The following ATPAF2 variants were observed in gnomAD, a reference collection of about 807,000 sequenced individuals.
ATPAF2 encodes the protein ATP12 homolog.
ATPAF2 carries 30 observed loss-of-function variants against 36.6 expected under a neutral mutation model. That is an observed-to-expected ratio of 0.82 (90% CI 0.61 to 1.11). ATPAF2 has a LOEUF of 1.11. ATPAF2 is among the 50% of genes most tolerant of loss of function. The pLI is 0.00. For missense variants in ATPAF2, 321 were observed against 372.3 expected (o/e 0.86, Z 1.13); for synonymous variants, 140 against 152.6 (o/e 0.92, Z 0.61).
At chr17:18,038,750 A>C in intron 1 of ATPAF2, 131 bp downstream of exon 1, 1 of 1,341,374 alleles carries the variant, frequency 7.5e-7, no homozygotes, top group Non-Finnish European at 1.0e-6. Flanking sequence ...CATCTGTAAA[A>C]AGACCTGACT....
At chr17:18,023,000 T>C (rs895748363) in intron 5 of ATPAF2, among the ~76,000 whole-genome samples, 1 of 151,656 alleles carries the variant, frequency 6.6e-6, no homozygotes, top group African/African-American at 2.4e-5. Context: ...AGATGGTGCA[T>C]GCCTGTAGTC....
intron 6 of ATPAF2, 61 bp from the exon 7 acceptor site, chr17:18,021,299 G>T: frequency 7.9e-7 from 1 of 1,267,266 alleles, no homozygotes; most frequent in Non-Finnish European, 1.1e-6. Context: ...CCTACCCCTT[G>T]TGAGTCCCAG....
chr17:18,016,509 T>C (rs777800050), downstream of ATPAF2: 2 of 1,323,576 alleles, frequency 1.5e-6, no homozygotes, highest in Non-Finnish European at 1.1e-6. Context: ...GTGAAAGATA[T>C]TAACCAATGA....
downstream of ATPAF2, chr17:18,016,000 A>G: frequency 6.3e-7 from 1 of 1,577,382 alleles, no homozygotes; most frequent in Non-Finnish European, 8.7e-7. Flanking sequence ...TTCTCTGTTC[A>G]GCTCCCTTTG....
intron 1 of ATPAF2, among the ~76,000 whole-genome samples, chr17:18,036,998 G>A (rs2044712210): frequency 6.6e-6 from 1 of 152,152 alleles, no homozygotes; most frequent in African/African-American, 2.4e-5. Context: ...TTGAATCTGG[G>A]AGGTAGAGGT....
At chr17:18,032,916 G>A (rs2044656821) in intron 1 of ATPAF2, among the ~76,000 whole-genome samples, 2 of 151,752 alleles carry the variant, frequency 1.3e-5, no homozygotes, top group African/African-American at 4.9e-5. Context: ...AAGGACCAGG[G>A]TTTCTAGAGA....
chr17:18,030,813 G>A (rs1159360406), intron 1 of ATPAF2, among the ~76,000 whole-genome samples: 3 of 143,436 alleles, frequency 2.1e-5, no homozygotes, highest in Non-Finnish European at 4.5e-5. Context: ...GACTACAGGC[G>A]CCGCCACCAC....
At chr17:18,026,000 C>T (rs975612925) in intron 4 of ATPAF2, 1 of 462,984 alleles carries the variant, frequency 2.2e-6, no homozygotes, top group Non-Finnish European at 4.0e-6. Context: ...TGTCGGTGGG[C>T]AGAAGTTTAA....
intron 1 of ATPAF2, among the ~76,000 whole-genome samples, chr17:18,035,451 T>C (rs1455203114): frequency 6.6e-6 from 1 of 152,166 alleles, no homozygotes; most frequent in Non-Finnish European, 1.5e-5. Flanking sequence ...TGTTCTAAAA[T>C]TGATTGTGGC....
At chr17:18,022,896 C>T (rs1302403607) in intron 5 of ATPAF2, among the ~76,000 whole-genome samples, 3 of 151,752 alleles carry the variant, frequency 2.0e-5, no homozygotes, top group South Asian at 2.1e-4. Context: ...GAGGCCGAGG[C>T]GGGCGGATCA....
At chr17:18,017,735 C>T (rs201426911), downstream of ATPAF2, among the ~76,000 whole-genome samples, 8 of 152,340 alleles carry the variant, frequency 5.3e-5, no homozygotes, top group East Asian at 1.5e-3. Context: ...GGCAAGGACA[C>T]AGGGCTGAGA....
At chr17:18,031,533 C>A (rs2044634959) in intron 1 of ATPAF2, among the ~76,000 whole-genome samples, 1 of 151,828 alleles carries the variant, frequency 6.6e-6, no homozygotes, top group South Asian at 2.1e-4. Context: ...GTAATCCCAG[C>A]ACTTTGGGGG....
chr17:18,018,468 CCCA>C lies in ATPAF2; in HGVS notation c.*78_*80del, dbSNP rs1428836667. 3 of 1,595,358 alleles carry C rather than the reference CCCA, an allele frequency of 1.9e-6. No individual in the cohort carries two copies. Among genetic ancestry groups the C allele is most frequent in the Non-Finnish European group, 2.6e-6 (3 of 1,173,796 alleles). On this transcript the variant is annotated 3_prime_UTR_variant, in exon 8 of 8. Coordinates refer to ENST00000474627, the MANE Select transcript of ATPAF2 (RefSeq NM_145691.4). ...GTCCCCAAAAGCCAAGGAAGCCAGC[CCCA>C]CAGGCTGGGGAGCCCTGAAGGCCGG...
chr17:18,031,570 G>A (rs898899016), intron 1 of ATPAF2, among the ~76,000 whole-genome samples: 26 of 151,980 alleles, frequency 1.7e-4, no homozygotes, highest in Non-Finnish European at 2.6e-4. Context: ...CACGAGGTCA[G>A]GAGATTGAGA....
chr17:18,036,316 C>T (rs1012200801), intron 1 of ATPAF2, among the ~76,000 whole-genome samples: 3 of 152,146 alleles, frequency 2.0e-5, no homozygotes, highest in African/African-American at 7.2e-5. Flanking sequence ...TGGCTCATGC[C>T]TGTAATCCCA....
At chr17:18,029,343 T>C (rs1399257189) in intron 1 of ATPAF2, among the ~76,000 whole-genome samples, 1 of 152,256 alleles carries the variant, frequency 6.6e-6, no homozygotes, top group Non-Finnish European at 1.5e-5. Flanking sequence ...AGAGCACTTC[T>C]AAGGAATTAT....
rs140227781 is a variant in ATPAF2 at position 18,028,006 on chromosome 17, G to A, written c.324+226C>T. 899 of 590,566 alleles carry A rather than the reference G, an allele frequency of 1.5e-3. 2 individuals are homozygous for A. Among genetic ancestry groups the A allele is most frequent in the Middle Eastern group, 2.7e-3 (6 of 2,202 alleles). 36.6% of individuals were successfully genotyped at this position (590,566 alleles called of 1,614,324 possible). A position where few individuals can be genotyped will look rare whatever the true frequency, so the allele number is the denominator to read the frequency against. ...GGTGACATCTGTCCTGAAACCAAAG[G>A]AGAAACCAGCCATCCAGCACAGTGT... On this transcript the variant is annotated intron_variant, in intron 3 of 7. Transcript: ENST00000474627.
downstream of ATPAF2, chr17:18,016,167 A>C (rs1319878117): frequency 2.5e-6 from 4 of 1,613,782 alleles, no homozygotes; most frequent in African/African-American, 4.0e-5. Context: ...ACCAGAATCA[A>C]CTCTTGGTGT....
At chr17:18,016,424 C>A, downstream of ATPAF2, 2 of 790,368 alleles carry the variant, frequency 2.5e-6, no homozygotes, top group Non-Finnish European at 4.0e-6. Context: ...ATCAGCAGAA[C>A]CTGGGGAGGC....
Sources: gnomAD v4.1 joint callset for allele counts (sites outside exome capture counted in the v4.1 genomes callset) on GRCh38, gnomAD v4.1.1 for gene constraint, MANE v1.5 for transcripts, NCBI Gene and HGNC (gene_info 2026-07-23, HGNC 2026-07-21) for gene names.